The following TNNI1 variants were observed in gnomAD, a reference collection of about 807,000 sequenced individuals.
The protein encoded by TNNI1 is troponin I1, slow skeletal type.
TNNI1 carries 14 observed loss-of-function variants against 26.7 expected under a neutral mutation model. That is an observed-to-expected ratio of 0.52 (90% CI 0.35 to 0.82). The LOEUF (loss-of-function observed/expected upper bound fraction) is 0.82. Ranked by LOEUF, TNNI1 falls within the 40% of genes least tolerant of loss-of-function variation. The pLI is 0.01. For missense variants in TNNI1, 164 were observed against 257.0 expected, an observed-to-expected ratio of 0.64 and a Z score of 2.47; for synonymous variants, 79 against 98.2, an observed-to-expected ratio of 0.80 and a Z score of 1.16.
chr1:201,416,431 T>C (rs957550624), intron 3 of TNNI1, among the ~76,000 whole-genome samples: 18 of 152,222 alleles, frequency 1.2e-4, no homozygotes, highest in African/African-American at 4.1e-4. Context: ...AAAATTCATA[T>C]GAATGTTGAA....
rs747617955 is a variant in TNNI1, at chr1:201,414,543, C to T, written c.164G>A (p.Arg55His). Residue 55 changes from arginine (R) to histidine (H), a missense_variant, in exon 5 of 9, where the codon CGT becomes CAT. Transcript: ENST00000361379. The stretch of plus-strand genomic sequence containing the variant: ...CTGCAGGGCACTGAGGGACAGGCCA[C>T]GGGTCTGCAGCGTGGGGATGCGCTC... ...LAERIPTLQTRGLSLSALQDL... is the reference protein window; with the variant it reads ...LAERIPTLQTHGLSLSALQDL... 18 of 1,609,696 alleles carry T rather than the reference C, an allele frequency of 1.1e-5. No homozygotes were observed. The highest frequency in any genetic ancestry group is 1.7e-4 in the Middle Eastern group (1 of 5,900).
At chr1:201,414,910 G>A (rs896803025) in intron 4 of TNNI1, among the ~76,000 whole-genome samples, 2 of 152,244 alleles carry the variant, frequency 1.3e-5, no homozygotes, top group African/African-American at 4.8e-5. Context: ...ACTCCAAAGA[G>A]AGAAACACAT....
In TNNI1 at chr1:201,410,444, A is replaced by T; in HGVS notation, c.457-9T>A. The T allele has an allele frequency of 6.2e-7, 1 of 1,612,620 alleles. No homozygotes were observed. The highest frequency in any genetic ancestry group is 8.5e-7 in the Non-Finnish European group (1 of 1,178,630). On this transcript the variant is annotated splice_polypyrimidine_tract_variant and intron_variant, in intron 7 of 8. Transcript: ENST00000361379. ...ACCTCCACAGGCCGCTCCTGTAGACAAGTGGCACACACATCAGGGACTTAC... is the reference window on the plus strand; with the variant it reads ...ACCTCCACAGGCCGCTCCTGTAGACTAGTGGCACACACATCAGGGACTTAC...
rs184598569 is a variant in TNNI1 at position 201,411,548 on chromosome 1, C to T, written c.280-15G>A. The T allele has an allele frequency of 1.1e-4, 178 of 1,550,532 alleles. No individual in the cohort carries two copies. The East Asian group carries it at 1.9e-3, about 17-fold the overall frequency. On this transcript the variant is annotated splice_polypyrimidine_tract_variant and intron_variant, in intron 6 of 8. Transcript: ENST00000361379. The surrounding 1 kb of genome is among the most constrained non-coding windows in gnomAD (Gnocchi z 4.6). ...AGGTCCTTAATCTGTAGGTGAGAAG[C>T]GCCCGGGGCTCACTGGAGAGGCAGC... is the stretch of plus-strand genomic sequence containing the variant.
At chr1:201,414,114 T>C (rs1324374610) in intron 5 of TNNI1, among the ~76,000 whole-genome samples, 1 of 152,234 alleles carries the variant, frequency 6.6e-6, no homozygotes, top group Admixed American at 6.5e-5. Flanking sequence ...CAGTCTCTTT[T>C]CTCTATAATC....
rs1207038147 is a variant in TNNI1, at chr1:201,411,495, C to T, written c.318G>A (p.Gly106=). 1.9e-6 allele frequency: 3 copies of T among 1,609,490 alleles called. No individual in the cohort carries two copies. Among genetic ancestry groups the T allele is most frequent in the Non-Finnish European group, 2.5e-6 (3 of 1,178,188 alleles). The stretch of plus-strand genomic sequence containing the variant: ...GACGCAGGGGCGGGCGCTTGAACTT[C>T]CCACGGAGGTCCATCACCTTCAGCT... ...DLKLKVMDLR[G]KFKRPPLRRV... Residue 106 remains glycine, a synonymous_variant, in exon 7 of 9, where the codon GGG becomes GGA. Transcript: ENST00000361379. The surrounding 1 kb of genome is among the most constrained non-coding windows in gnomAD (Gnocchi z 4.6).
intron 6 of TNNI1, among the ~76,000 whole-genome samples, chr1:201,412,081 A>T (rs1662644399): frequency 6.6e-6 from 1 of 152,228 alleles, no homozygotes; most frequent in South Asian, 2.1e-4. Flanking sequence ...GGTTAAGTGG[A>T]CAGATAAAGC....
At chr1:201,409,759 G>A (rs1256108802) in intron 8 of TNNI1, 1 of 152,368 alleles carries the variant, frequency 6.6e-6, no homozygotes, top group Non-Finnish European at 1.5e-5. Flanking sequence ...TCAGATGGTG[G>A]GAAGTCTTAG....
At chr1:201,421,315 C>T (rs1211139416) in intron 1 of TNNI1, among the ~76,000 whole-genome samples, 1 of 152,128 alleles carries the variant, frequency 6.6e-6, no homozygotes, top group African/African-American at 2.4e-5. Flanking sequence ...AGGGCCACCC[C>T]TTCCCCTGGG....
chr1:201,414,383 C>A, intron 5 of TNNI1, 135 bp downstream of exon 5: 2 of 708,510 alleles, frequency 2.8e-6, no homozygotes, highest in Non-Finnish European at 4.4e-6. Flanking sequence ...TAAATGAGAC[C>A]ATGTAAGGGA....
At chr1:201,410,930 A>C (rs1662622341) in intron 7 of TNNI1, among the ~76,000 whole-genome samples, 1 of 152,160 alleles carries the variant, frequency 6.6e-6, no homozygotes, top group African/African-American at 2.4e-5. Flanking sequence ...AATTCAACCA[A>C]CTTTGAATAA....
chr1:201,415,957 C>T (rs915063056), intron 3 of TNNI1, among the ~76,000 whole-genome samples: 25 of 152,146 alleles, frequency 1.6e-4, no homozygotes, highest in African/African-American at 1.2e-4. Context: ...GACTGTGATG[C>T]CTTTCGAGCA....
chr1:201,419,442 G>A (rs1261281143), intron 1 of TNNI1, among the ~76,000 whole-genome samples: 1 of 152,204 alleles, frequency 6.6e-6, no homozygotes, highest in Non-Finnish European at 1.5e-5. Flanking sequence ...GGGGCGCACA[G>A]GAGCCCTGAG....
At chr1:201,410,993 CTA>C (rs1425797701) in intron 7 of TNNI1, among the ~76,000 whole-genome samples, 1 of 152,192 alleles carries the variant, frequency 6.6e-6, no homozygotes, top group Non-Finnish European at 1.5e-5. Context: ...TCGTGTGTGG[CTA>C]TAACCAAGAT....
chr1:201,408,308 C>T lies in TNNI1; in HGVS notation c.*945G>A, dbSNP rs1443635937. On this transcript the variant is annotated 3_prime_UTR_variant, in exon 9 of 9. Transcript: ENST00000361379. Reference sequence around the variant, plus strand: ...CCAGTGCAGGAGTGTGAAGGGGAAACAATTGGGAGGAGGGTGGGTGAACGT... The same window carrying T: ...CCAGTGCAGGAGTGTGAAGGGGAAATAATTGGGAGGAGGGTGGGTGAACGT... 6.6e-6 allele frequency: 1 copy of T among 152,480 alleles called. No homozygotes were observed. The highest frequency in any genetic ancestry group is 1.5e-5 in the Non-Finnish European group (1 of 68,368). 9.4% of individuals were successfully genotyped at this position (152,480 alleles called of 1,614,324 possible).
chr1:201,410,167 G>T, intron 8 of TNNI1, 159 bp downstream of exon 8: 1 of 618,414 alleles, frequency 1.6e-6, no homozygotes, highest in Non-Finnish European at 2.9e-6. Context: ...GCTGGAGCCA[G>T]GACTGAGCCC....
chr1:201,420,574 TGA>T (rs1662836484), intron 1 of TNNI1, among the ~76,000 whole-genome samples: 2 of 152,004 alleles, frequency 1.3e-5, no homozygotes, highest in Admixed American at 6.5e-5. Flanking sequence ...TGACTGTGTG[TGA>T]GAGTGTGAGT....
Position 201,410,351 on chromosome 1 carries a change from C to T in TNNI1, c.541G>A (p.Ala181Thr), listed in dbSNP as rs758935384. Residue 181 changes from alanine (A) to threonine (T), a missense_variant, in exon 8 of 9, where the codon GCC (alanine) becomes ACC (threonine). This residue lies in a region of TNNI1 where 43 missense variants were observed against 74.3 expected (regional missense o/e 0.58). Transcript: ENST00000361379. ...MEGRKKMFDA[A>T]KSPTSQ ...CTCTATTGTGAGGTCGGAGACTTGG[C>T]GGCATCAAACATCTTCTTCCGGCCT... 15 of 1,613,994 alleles carry T rather than the reference C, an allele frequency of 9.3e-6. No individual in the cohort carries two copies. The highest frequency in any genetic ancestry group is 6.7e-5 in the African/African-American group (5 of 74,904).
In TNNI1 at chr1:201,406,838, G is replaced by A. The variant is rs1304194136; in HGVS notation, c.*2415C>T. 6.6e-6 allele frequency: 1 copy of A among 152,312 alleles called. No individual in the cohort carries two copies. Among genetic ancestry groups the A allele is most frequent in the Non-Finnish European group, 1.5e-5 (1 of 68,100 alleles). The allele number at this position is 152,312 out of a possible 1,614,324, so 9.4% of individuals were successfully genotyped here. On this transcript the variant is annotated 3_prime_UTR_variant, in exon 9 of 9. Coordinates refer to ENST00000361379, the MANE Select transcript of TNNI1 (RefSeq NM_003281.4). Reference sequence around the variant, plus strand: ...CCCTTGCTCCATCCTCACAGGAGATGAATTAGGTCTGTTGCTGCCTGGAAG... The same window carrying A: ...CCCTTGCTCCATCCTCACAGGAGATAAATTAGGTCTGTTGCTGCCTGGAAG...
Sources: gnomAD v4.1 joint callset for allele counts (sites outside exome capture counted in the v4.1 genomes callset) on GRCh38, gnomAD v4.1.1 for gene constraint, gnomAD v4.1.1 regional missense constraint, Gnocchi (gnomAD v3.1) non-coding constraint, MANE v1.5 for transcripts, NCBI Gene and HGNC (gene_info 2026-07-23, HGNC 2026-07-21) for gene names.